The following MCTP1 variants were observed in gnomAD, a reference collection of about 807,000 sequenced individuals.
The protein encoded by MCTP1 is multiple C2 and transmembrane domain containing 1, also known as multiple C2 and transmembrane domain-containing protein 1.
A neutral mutation model predicts 120.6 loss-of-function variants in MCTP1; 69 were observed. The observed-to-expected ratio is 0.57, with a 90% confidence interval of 0.47 to 0.70. MCTP1 has a LOEUF of 0.70. MCTP1 is among the 30% of genes least tolerant of loss of function. MCTP1 has a pLI of 0.00. For missense variants in MCTP1, 1,203 were observed against 1,248.8 expected, an observed-to-expected ratio of 0.96 and a Z score of 0.55; for synonymous variants, 529 against 493.1, an observed-to-expected ratio of 1.07 and a Z score of -0.96.
chr5:95,148,235 T>G (rs1284124151), intron 1 of MCTP1, among the ~76,000 whole-genome samples: 1 of 152,174 alleles, frequency 6.6e-6, no homozygotes, highest in African/African-American at 2.4e-5. Context: ...TGAATTTGCA[T>G]GTCCATGTCT....
At chr5:94,771,473 G>A (rs932636123) in intron 19 of MCTP1, among the ~76,000 whole-genome samples, 12 of 152,058 alleles carry the variant, frequency 7.9e-5, no homozygotes, top group South Asian at 4.1e-4. Context: ...TTCTCTATTC[G>A]CCAATTAATA....
At chr5:94,886,866 T>C (rs544052812) in intron 12 of MCTP1, among the ~76,000 whole-genome samples, 1 of 152,290 alleles carries the variant, frequency 6.6e-6, no homozygotes, top group East Asian at 1.9e-4. Context: ...TCAGGATACA[T>C]GTGTGCGTGT....
At chr5:95,063,188 G>T (rs988441237) in intron 1 of MCTP1, among the ~76,000 whole-genome samples, 1 of 152,204 alleles carries the variant, frequency 6.6e-6, no homozygotes, top group Non-Finnish European at 1.5e-5. Flanking sequence ...CACTGATAGA[G>T]AAATTAGCTC....
At chr5:94,922,043 C>T (rs1243194220) in intron 7 of MCTP1, among the ~76,000 whole-genome samples, 1 of 152,146 alleles carries the variant, frequency 6.6e-6, no homozygotes, top group Non-Finnish European at 1.5e-5. Flanking sequence ...TGTGATGGGC[C>T]TTACTTTCCT....
At position 94,959,415 on chromosome 5, in the gene MCTP1, G is replaced by A. The variant is rs141431282; in HGVS notation, c.839-6054C>T. ...TATTCAATATAGTATTGAAAGTTCC[G>A]GCCAGGGCAATTAGGCAAGAGAGAG... On this transcript the variant is annotated intron_variant, in intron 2 of 22. Transcript: ENST00000515393. Among the ~76,000 whole-genome samples the A allele has an allele frequency of 1.6e-3, 247 of 152,212 alleles. 1 individual carries two copies. The highest frequency in any genetic ancestry group is 5.0e-3 in the African/African-American group (208 of 41,538).
intron 1 of MCTP1, among the ~76,000 whole-genome samples, chr5:95,119,911 G>A (rs1222257235): frequency 6.6e-6 from 1 of 152,088 alleles, no homozygotes; most frequent in Non-Finnish European, 1.5e-5. Flanking sequence ...GGTGGCTCAC[G>A]TCTGTAATCC....
intron 12 of MCTP1, among the ~76,000 whole-genome samples, chr5:94,888,346 A>G (rs1369431583): frequency 1.3e-5 from 2 of 152,208 alleles, no homozygotes; most frequent in South Asian, 2.1e-4. Context: ...ACTTTAAGAA[A>G]TTTCAAACAA....
At chr5:95,120,460 A>G (rs746260769) in intron 1 of MCTP1, among the ~76,000 whole-genome samples, 2 of 152,200 alleles carry the variant, frequency 1.3e-5, no homozygotes, top group Non-Finnish European at 2.9e-5. Context: ...ACTGAATTCA[A>G]CAGTACATTA....
At chr5:94,899,591 G>A (rs892398968) in intron 10 of MCTP1, among the ~76,000 whole-genome samples, 11 of 152,194 alleles carry the variant, frequency 7.2e-5, no homozygotes, top group African/African-American at 2.7e-4. Flanking sequence ...AACTGCCAAG[G>A]AAGCTGCATG....
chr5:94,949,524 T>C (rs531861904), intron 3 of MCTP1, among the ~76,000 whole-genome samples: 8 of 152,248 alleles, frequency 5.3e-5, no homozygotes, highest in Non-Finnish European at 8.8e-5. Context: ...TTTTATTTTG[T>C]GTAGTTTTTT....
At chr5:94,828,138 T>C (rs1057290474) in intron 17 of MCTP1, among the ~76,000 whole-genome samples, 1 of 152,034 alleles carries the variant, frequency 6.6e-6, no homozygotes, top group East Asian at 1.9e-4. Context: ...TCGGATGGAG[T>C]TTTTGCGTGG....
chr5:95,078,031 TATCC>T (rs1011387309), intron 1 of MCTP1, among the ~76,000 whole-genome samples: 3 of 139,536 alleles, frequency 2.1e-5, no homozygotes, highest in East Asian at 4.2e-4. Context: ...ATCATCCATC[TATCC>T]ATCCATCCAT....
At chr5:94,794,601 TG>T (rs1167241205) in intron 18 of MCTP1, among the ~76,000 whole-genome samples, 1 of 152,230 alleles carries the variant, frequency 6.6e-6, no homozygotes, top group Non-Finnish European at 1.5e-5. Flanking sequence ...ACACTTGCTC[TG>T]GGGAGTTGCT....
At position 95,020,873 on chromosome 5, in the gene MCTP1, A is replaced by T. The variant is rs1254341985; in HGVS notation, c.721-3389T>A. The stretch of plus-strand genomic sequence containing the variant: ...TCCCTTTATAATACATTAAGTTCCC[A>T]TATACAGTTGGATCTGTTTCTGAAG... On this transcript the variant is annotated intron_variant, in intron 1 of 22. Transcript: ENST00000515393. Among the ~76,000 whole-genome samples, 7 of 152,158 alleles carry T rather than the reference A, an allele frequency of 4.6e-5. No individual in the cohort carries two copies. The South Asian group carries it at 1.4e-3, about 32-fold the overall frequency.
At chr5:94,721,256 AAGGTAAGCAAATATTAAATGC>A (rs1422509651) in intron 19 of MCTP1, among the ~76,000 whole-genome samples, 110 of 152,342 alleles carry the variant, frequency 7.2e-4, no homozygotes, top group African/African-American at 2.3e-3. Flanking sequence ...TAATGTCAAT[AAGGTAAGCAAATATTAAATGC>A]AGGTAAGCAA....
intron 1 of MCTP1, among the ~76,000 whole-genome samples, chr5:95,160,503 T>A (rs1449885938): frequency 6.6e-6 from 1 of 151,502 alleles, no homozygotes; most frequent in Non-Finnish European, 1.5e-5. Flanking sequence ...ACAAGAGACA[T>A]TATTTCTTTT....
intron 1 of MCTP1, among the ~76,000 whole-genome samples, chr5:95,210,992 G>A (rs1752297272): frequency 6.6e-6 from 1 of 151,986 alleles, no homozygotes; most frequent in Non-Finnish European, 1.5e-5. Flanking sequence ...TAAGAATGTT[G>A]AATATTGGCC....
chr5:95,147,797 TGATCTA>T, intron 1 of MCTP1, among the ~76,000 whole-genome samples: 1 of 152,228 alleles, frequency 6.6e-6, no homozygotes, highest in South Asian at 2.1e-4. Flanking sequence ...ATACTGTCTA[TGATCTA>T]TGTGCTTAAG....
At chr5:95,247,585 A>G (rs76577584) in intron 1 of MCTP1, among the ~76,000 whole-genome samples, 89 of 152,254 alleles carry the variant, frequency 5.8e-4, no homozygotes, top group Non-Finnish European at 9.3e-4. Flanking sequence ...ATTCTGGTAC[A>G]TTGTGTCTTT....
Sources: allele counts gnomAD v4.1 joint callset (sites outside exome capture counted in the v4.1 genomes callset), GRCh38; gene constraint gnomAD v4.1.1; transcripts MANE v1.5; gene names NCBI Gene and HGNC (gene_info 2026-07-23, HGNC 2026-07-21).